BTK: variants seen among roughly 807,000 people sequenced by gnomAD.
BTK encodes the protein tyrosine-protein kinase BTK.
Under a neutral mutation model 57.4 loss-of-function variants are expected in BTK, and 5 were observed. The observed-to-expected ratio is 0.09, with a 90% CI of 0.05 to 0.18. BTK has a LOEUF of 0.18. Among genes scored for constraint, BTK ranks in the 10% least tolerant of loss-of-function variants. The pLI, the probability that BTK is intolerant of heterozygous loss-of-function variation, is 1.00. For synonymous variants in BTK, 154 were observed against 174.3 expected (o/e 0.88, Z 0.92); for missense variants, 194 against 501.2 (o/e 0.39, Z 5.85).
rs782375544 is a variant in BTK at position 101,360,123 on chromosome X, A to G, written c.804T>C (p.Tyr268=). Residue 268 remains tyrosine, a synonymous_variant, in exon 9 of 19, where the codon TAT becomes TAC. Transcript: ENST00000308731. ...NGQEGYIPSN[Y]VTEAEDSIEM... Reference sequence around the variant, plus strand: ...CTATGGAGTCTTCTGCTTCAGTGACATAGTTACTAGGAATGTAGCCTTCCT... The same window carrying G: ...CTATGGAGTCTTCTGCTTCAGTGACGTAGTTACTAGGAATGTAGCCTTCCT... 1 of 1,206,079 alleles carries G rather than the reference A, an allele frequency of 8.3e-7. No homozygotes were observed. The highest frequency in any genetic ancestry group is 1.8e-5 in the South Asian group (1 of 56,861).
intron 6 of BTK, 113 bp downstream of exon 6, chrX:101,362,448 G>A (rs782144327): frequency 4.3e-5 from 49 of 1,133,295 alleles, no homozygotes; most frequent in Non-Finnish European, 5.7e-5. Context: ...AGGACCCTTT[G>A]TTTAGCACCC....
At chrX:101,378,649 T>C (rs1247587794) in intron 1 of BTK, among the ~76,000 whole-genome samples, 1 of 110,860 alleles carries the variant, frequency 9.0e-6, no homozygotes, top group Non-Finnish European at 1.9e-5. Flanking sequence ...GTTCCAGTGT[T>C]ACAATGTCCC....
intron 10 of BTK, 107 bp downstream of exon 10, chrX:101,359,186 G>T: frequency 1.1e-6 from 1 of 882,817 alleles, no homozygotes; most frequent in Non-Finnish European, 1.7e-6. Context: ...CCAGACGATG[G>T]CAGCTTTGAC....
intron 15 of BTK, 99 bp from the exon 16 acceptor site, chrX:101,354,793 A>G: frequency 1.2e-6 from 1 of 824,285 alleles, no homozygotes; most frequent in Non-Finnish European, 1.8e-6. Flanking sequence ...GGGAAGCTTC[A>G]TCTCCTTCGA....
At chrX:101,350,743 G>A (rs1202476777) in intron 18 of BTK, among the ~76,000 whole-genome samples, 4 of 110,218 alleles carry the variant, frequency 3.6e-5, no homozygotes, top group Admixed American at 9.6e-5. Flanking sequence ...CACCGCGCCC[G>A]GCCTACGACT....
intron 1 of BTK, among the ~76,000 whole-genome samples, chrX:101,383,364 CA>C (rs1478735237): frequency 9.0e-6 from 1 of 111,593 alleles, no homozygotes; most frequent in Non-Finnish European, 1.9e-5. Flanking sequence ...TTTCCAGAGT[CA>C]AAAAAGTATG....
chrX:101,389,680 C>T (rs781819276), upstream of BTK, among the ~76,000 whole-genome samples: 5 of 111,393 alleles, frequency 4.5e-5, no homozygotes, highest in Non-Finnish European at 3.8e-5. Context: ...GTCTCCTCAC[C>T]ATCCTCTACA....
At chrX:101,379,101 G>A (rs1410701785) in intron 1 of BTK, among the ~76,000 whole-genome samples, 6 of 107,627 alleles carry the variant, frequency 5.6e-5, no homozygotes, top group African/African-American at 2.0e-4. Flanking sequence ...TTGAACTCGG[G>A]AGGCGGAGGT....
intron 1 of BTK, among the ~76,000 whole-genome samples, chrX:101,376,733 G>A (rs985606087): frequency 9.3e-6 from 1 of 107,665 alleles, no homozygotes; most frequent in Non-Finnish European, 1.9e-5. Flanking sequence ...TTCCTCTGGT[G>A]GGGGGGTGGG....
intron 1 of BTK, among the ~76,000 whole-genome samples, chrX:101,378,358 A>G (rs781785562): frequency 9.0e-6 from 1 of 111,533 alleles, no homozygotes; most frequent in South Asian, 3.7e-4. Flanking sequence ...TGCTGGAATT[A>G]CAGGTATGAG....
intron 5 of BTK, among the ~76,000 whole-genome samples, chrX:101,366,512 CAT>C (rs1555979442): frequency 9.0e-6 from 1 of 110,862 alleles, no homozygotes; most frequent in African/African-American, 3.3e-5. Flanking sequence ...ATAATAAAAA[CAT>C]AAAAACAAAC....
intron 3 of BTK, among the ~76,000 whole-genome samples, chrX:101,373,104 A>G (rs1161120212): frequency 9.1e-6 from 1 of 110,111 alleles, no homozygotes; most frequent in African/African-American, 3.3e-5. Context: ...TAATAATAAA[A>G]ATAACAAAAT....
chrX:101,369,859 TTTC>T (rs781971628), intron 5 of BTK, 136 bp downstream of exon 5: 3 of 563,554 alleles, frequency 5.3e-6, no homozygotes, highest in Non-Finnish European at 8.3e-6. Context: ...TATCCATTTT[TTTC>T]TTCTTTTCTC....
At chrX:101,390,564 G>A, upstream of BTK, 1 of 515,096 alleles carries the variant, frequency 1.9e-6, no homozygotes, top group Non-Finnish European at 3.5e-6. Flanking sequence ...TAGATGAACT[G>A]GAACAATTGG....
chrX:101,354,269 T>C (rs782272532), intron 16 of BTK: 1 of 411,624 alleles, frequency 2.4e-6, no homozygotes, highest in South Asian at 3.6e-5. Context: ...CTTTCTCTGC[T>C]CTTCTCCTTC....
intron 13 of BTK, 48 bp downstream of exon 13, chrX:101,357,461 T>A: frequency 8.8e-7 from 1 of 1,136,464 alleles, no homozygotes; most frequent in Non-Finnish European, 1.2e-6. Flanking sequence ...GCAAAGGTAG[T>A]TTTTGCAACT....
chrX:101,363,835 C>T (rs781803315), intron 5 of BTK, among the ~76,000 whole-genome samples: 2 of 107,998 alleles, frequency 1.9e-5, no homozygotes, highest in Non-Finnish European at 3.8e-5. Context: ...CAGGAACACG[C>T]ACATTTGAGA....
At chrX:101,374,978 G>A (rs1485832169) in intron 2 of BTK, among the ~76,000 whole-genome samples, 166 bp downstream of exon 2, 2 of 111,226 alleles carry the variant, frequency 1.8e-5, no homozygotes, top group Admixed American at 9.6e-5. Context: ...TTGACTTTCC[G>A]GCTTTAGCTA....
upstream of BTK, among the ~76,000 whole-genome samples, chrX:101,390,056 G>T (rs185412023): frequency 8.9e-6 from 1 of 111,927 alleles, no homozygotes; most frequent in Non-Finnish European, 1.9e-5. Context: ...TTGTATCCTA[G>T]ATTCACTAAA....
Sources: allele counts gnomAD v4.1 joint callset (sites outside exome capture counted in the v4.1 genomes callset), GRCh38; gene constraint gnomAD v4.1.1; transcripts MANE v1.5; gene names NCBI Gene and HGNC (gene_info 2026-07-23, HGNC 2026-07-21).